The following SORCS3 variants were observed in gnomAD, a reference collection of about 807,000 sequenced individuals.
SORCS3 encodes VPS10 domain-containing receptor SorCS3.
Under a neutral mutation model 146.3 loss-of-function variants are expected in SORCS3, and 57 were observed. The ratio of observed to expected loss-of-function variants is 0.39; its 90% CI spans 0.31 to 0.49. The LOEUF (loss-of-function observed/expected upper bound fraction) is 0.49, where lower values mean the gene tolerates loss of function less well. Ranked by LOEUF, SORCS3 falls within the 20% of genes least tolerant of loss-of-function variation. The pLI is 0.92. For missense variants in SORCS3, 1,341 were observed against 1,575.5 expected (o/e 0.85, Z 2.52); for synonymous variants, 653 against 618.5 (o/e 1.06, Z -0.83).
intron 3 of SORCS3, among the ~76,000 whole-genome samples, chr10:104,921,841 C>G (rs1270455256): frequency 1.3e-5 from 2 of 152,124 alleles, no homozygotes; most frequent in Admixed American, 1.3e-4. Flanking sequence ...GTAATCATCA[C>G]TCTATTAGTG....
chr10:104,955,494 T>C (rs1327594679), intron 3 of SORCS3, among the ~76,000 whole-genome samples: 1 of 152,210 alleles, frequency 6.6e-6, no homozygotes, highest in African/African-American at 2.4e-5. Context: ...CATGCACATA[T>C]ATTTGTTTAT....
At chr10:105,104,164 A>T (rs957390565) in intron 6 of SORCS3, among the ~76,000 whole-genome samples, 3 of 152,230 alleles carry the variant, frequency 2.0e-5, no homozygotes, top group African/African-American at 4.8e-5. Context: ...ACATATGTGC[A>T]CATACAAGGA....
intron 7 of SORCS3, among the ~76,000 whole-genome samples, chr10:105,131,158 A>G (rs2056015569): frequency 6.6e-6 from 1 of 152,176 alleles, no homozygotes; most frequent in African/African-American, 2.4e-5. Flanking sequence ...GGAAGTAGAG[A>G]GAGAAAAGCC....
chr10:104,865,884 A>G (rs777151993), intron 2 of SORCS3, among the ~76,000 whole-genome samples: 2 of 152,238 alleles, frequency 1.3e-5, no homozygotes, highest in Non-Finnish European at 2.9e-5. Context: ...TACTTCACTC[A>G]CAGAGGCTGT....
intron 2 of SORCS3, among the ~76,000 whole-genome samples, chr10:104,858,040 A>G (rs757139531): frequency 1.3e-5 from 2 of 152,214 alleles, no homozygotes; most frequent in African/African-American, 2.4e-5. Flanking sequence ...GCTCTAAGCC[A>G]TGAAAATTGA....
intron 4 of SORCS3, among the ~76,000 whole-genome samples, chr10:105,015,457 C>T (rs1187895542): frequency 6.6e-6 from 1 of 151,998 alleles, no homozygotes; most frequent in Admixed American, 6.6e-5. Flanking sequence ...TACATTTAAC[C>T]ACATGGATGG....
chr10:104,684,779 G>GTTTTTTTTTTT, intron 1 of SORCS3, among the ~76,000 whole-genome samples: 1 of 81,576 alleles, frequency 1.2e-5, no homozygotes, highest in African/African-American at 4.7e-5. Context: ...AGTCCTCAGT[G>GTTTTTTTTTTT]TTTTTTTTTT....
chr10:104,709,179 G>A (rs889379370), intron 1 of SORCS3, among the ~76,000 whole-genome samples: 2 of 152,124 alleles, frequency 1.3e-5, no homozygotes, highest in African/African-American at 4.8e-5. Context: ...GGGAGGAGGC[G>A]GGTAGAGAGG....
chr10:105,256,125 T>G (rs1314744331), intron 24 of SORCS3, among the ~76,000 whole-genome samples: 3 of 152,254 alleles, frequency 2.0e-5, no homozygotes, highest in Non-Finnish European at 4.4e-5. Context: ...TGGGATTATA[T>G]TGGACAGTCC....
intron 4 of SORCS3, among the ~76,000 whole-genome samples, chr10:105,003,952 T>C (rs1290093815): frequency 1.3e-5 from 2 of 150,176 alleles, no homozygotes; most frequent in East Asian, 3.9e-4. Context: ...ATGCCAAACC[T>C]CCTTGTTTCC....
intron 1 of SORCS3, among the ~76,000 whole-genome samples, chr10:104,751,762 C>T (rs1475790135): frequency 6.6e-6 from 1 of 151,314 alleles, no homozygotes; most frequent in Non-Finnish European, 1.5e-5. Context: ...TCTGTGTCTG[C>T]TCACTTAAGT....
chr10:105,186,825 A>G (rs1048298993), intron 14 of SORCS3, among the ~76,000 whole-genome samples: 2 of 150,368 alleles, frequency 1.3e-5, no homozygotes, highest in Non-Finnish European at 1.5e-5. Flanking sequence ...CAGAAGTTGC[A>G]GTGAGCCGAG....
At chr10:104,655,262 AGG>A (rs1320455082) in intron 1 of SORCS3, among the ~76,000 whole-genome samples, 4 of 146,490 alleles carry the variant, frequency 2.7e-5, no homozygotes, top group African/African-American at 9.9e-5. Flanking sequence ...AAAAAAAAAA[AGG>A]AGTAGTTTTA....
At chr10:104,802,301 G>C (rs2017632409) in intron 1 of SORCS3, among the ~76,000 whole-genome samples, 1 of 152,160 alleles carries the variant, frequency 6.6e-6, no homozygotes, top group Non-Finnish European at 1.5e-5. Flanking sequence ...TAGCAAGAAA[G>C]AAAAGTTGAA....
At chr10:104,975,448 G>A (rs1217789536) in intron 3 of SORCS3, among the ~76,000 whole-genome samples, 1 of 152,084 alleles carries the variant, frequency 6.6e-6, no homozygotes, top group African/African-American at 2.4e-5. Context: ...ATGCTCATGG[G>A]TAGGAAGAAT....
At chr10:105,007,303 T>C (rs1027094593) in intron 4 of SORCS3, among the ~76,000 whole-genome samples, 2 of 152,002 alleles carry the variant, frequency 1.3e-5, no homozygotes, top group Admixed American at 1.3e-4. Context: ...ATCTTTACAG[T>C]TTAGTTGAGG....
chr10:104,823,935 T>C (rs1040572908), intron 1 of SORCS3, among the ~76,000 whole-genome samples: 1 of 152,156 alleles, frequency 6.6e-6, no homozygotes, highest in Non-Finnish European at 1.5e-5. Flanking sequence ...TTCAGAGTGA[T>C]GCCATATGAG....
intron 7 of SORCS3, among the ~76,000 whole-genome samples, chr10:105,120,580 T>C (rs1201699588): frequency 6.6e-6 from 1 of 152,172 alleles, no homozygotes; most frequent in African/African-American, 2.4e-5. Flanking sequence ...AGAACTCTAC[T>C]GTGCATGCCC....
chr10:104,728,057 A>G (rs924481590), intron 1 of SORCS3, among the ~76,000 whole-genome samples: 1 of 149,970 alleles, frequency 6.7e-6, no homozygotes, highest in African/African-American at 2.5e-5. Flanking sequence ...CTATCTATCT[A>G]TCTATCTATC....
Sources: gnomAD v4.1 joint callset for allele counts (sites outside exome capture counted in the v4.1 genomes callset) on GRCh38, gnomAD v4.1.1 for gene constraint, MANE v1.5 for transcripts, NCBI Gene and HGNC (gene_info 2026-07-23, HGNC 2026-07-21) for gene names.